The following OPA1 variants were observed in gnomAD, a reference collection of about 807,000 sequenced individuals.
The protein encoded by OPA1 is dynamin-like GTPase OPA1, mitochondrial.
OPA1 carries 59 observed loss-of-function variants against 152.9 expected under a neutral mutation model. That is an observed-to-expected ratio of 0.39 (90% CI 0.31 to 0.48). OPA1 has a LOEUF of 0.48. OPA1 is among the 20% of genes least tolerant of loss of function. The probability of loss-of-function intolerance (pLI) is 0.96; values close to 1 mark genes in which losing one functional copy is unlikely to be tolerated. For synonymous variants in OPA1, 400 were observed against 389.9 expected (o/e 1.03, Z -0.31); for missense variants, 1,008 against 1,216.8 (o/e 0.83, Z 2.55).
At chr3:193,656,989 C>A in intron 22 of OPA1, 91 bp from the exon 23 acceptor site, 2 of 1,094,930 alleles carry the variant, frequency 1.8e-6, no homozygotes, top group Non-Finnish European at 1.3e-6. Context: ...TTATTTATCA[C>A]ATCTGTTTGG....
chr3:193,601,827 G>C (rs1726514216), intron 1 of OPA1, among the ~76,000 whole-genome samples: 1 of 152,162 alleles, frequency 6.6e-6, no homozygotes, highest in Admixed American at 6.5e-5. Flanking sequence ...GATGTTTAGA[G>C]TATCAAGAAT....
chr3:193,598,959 T>C (rs1337295063), intron 1 of OPA1, among the ~76,000 whole-genome samples: 1 of 152,208 alleles, frequency 6.6e-6, no homozygotes, highest in Non-Finnish European at 1.5e-5. Context: ...TATCCCTCTC[T>C]GTAAGTGATA....
Position 193,696,215 on chromosome 3 carries a change from A to G in OPA1, c.*1615A>G, listed in dbSNP as rs1722239211. The G allele has an allele frequency of 1.3e-5, 2 of 152,244 alleles. No homozygotes were observed. The highest frequency in any genetic ancestry group is 1.3e-4 in the Admixed American group (2 of 15,292). The allele number at this position is 152,244 out of a possible 1,614,324, so 9.4% of individuals were successfully genotyped here. On this transcript the variant is annotated 3_prime_UTR_variant, in exon 31 of 31. Coordinates refer to ENST00000361510, the MANE Select transcript of OPA1 (RefSeq NM_130837.3). The stretch of plus-strand genomic sequence containing the variant: ...GCATAACAATTACAACTACACATCT[A>G]TTTCTAAAGAATAAAACAGGACCAT...
rs771741437 is a variant in OPA1 at position 193,643,953 on chromosome 3, G to C, written c.1478-22G>C. On this transcript the variant is annotated intron_variant, in intron 15 of 30. Coordinates refer to ENST00000361510, the MANE Select transcript of OPA1 (RefSeq NM_130837.3). ...ACTTTACATCTTAAAATTCCACAGT[G>C]TCATTTTTTTATTTTTTTCAGATGG... 2.0e-5 allele frequency: 32 copies of C among 1,612,564 alleles called. 1 individual carries two copies. Among genetic ancestry groups the C allele is most frequent in the Non-Finnish European group, 2.3e-5 (27 of 1,179,256 alleles).
At chr3:193,658,755 G>A (rs1714529934) in intron 23 of OPA1, 132 bp from the exon 24 acceptor site, 1 of 673,244 alleles carries the variant, frequency 1.5e-6, no homozygotes, top group Non-Finnish European at 2.7e-6. Flanking sequence ...ATTTTTATAG[G>A]AAGGATATAT....
In OPA1 at chr3:193,643,950, A is replaced by C. The variant is rs779262340; in HGVS notation, c.1478-25A>C. ...TCTACTTTACATCTTAAAATTCCAC[A>C]GTGTCATTTTTTTATTTTTTTCAGA... On this transcript the variant is annotated intron_variant, in intron 15 of 30. Transcript: ENST00000361510. 4 of 1,611,876 alleles carry C rather than the reference A, an allele frequency of 2.5e-6. No individual in the cohort carries two copies. In the African/African-American group the frequency reaches 5.3e-5, roughly 22 times the overall value.
intron 8 of OPA1, among the ~76,000 whole-genome samples, chr3:193,633,182 A>T (rs904108402): frequency 1.2e-4 from 18 of 152,204 alleles, no homozygotes; most frequent in African/African-American, 4.3e-4. Context: ...CACAAAGCAT[A>T]GCCTCTGGAG....
chr3:193,613,091 G>A (rs1463751292), intron 1 of OPA1, among the ~76,000 whole-genome samples: 2 of 152,190 alleles, frequency 1.3e-5, no homozygotes, highest in African/African-American at 4.8e-5. Context: ...AGTTAAATTT[G>A]ATGGAGTTTA....
chr3:193,637,914 A>C, intron 10 of OPA1, 38 bp from the exon 11 acceptor site: 1 of 1,512,316 alleles, frequency 6.6e-7, no homozygotes, highest in Non-Finnish European at 9.2e-7. Context: ...ATTTGGTATC[A>C]GAAAAATATG....
chr3:193,690,927 TAGG>T (rs554838466), intron 29 of OPA1, among the ~76,000 whole-genome samples: 98 of 152,142 alleles, frequency 6.4e-4, no homozygotes, highest in Non-Finnish European at 1.1e-3. Flanking sequence ...TGTTTTAAAA[TAGG>T]AGGCCAGGCA....
At chr3:193,613,290 C>A (rs563505537) in intron 1 of OPA1, among the ~76,000 whole-genome samples, 1 of 152,152 alleles carries the variant, frequency 6.6e-6, no homozygotes, top group South Asian at 2.1e-4. Flanking sequence ...TATGGTTTGT[C>A]CACAAGAACA....
At chr3:193,613,234 T>G (rs1013113819) in intron 1 of OPA1, among the ~76,000 whole-genome samples, 2 of 152,204 alleles carry the variant, frequency 1.3e-5, no homozygotes, top group African/African-American at 4.8e-5. Flanking sequence ...TTATTACAGA[T>G]GCATACTACT....
rs1339918914 is a variant in OPA1, at chr3:193,604,494, T to C, written c.33-10229T>C. Among the ~76,000 whole-genome samples the C allele has an allele frequency of 2.0e-5, 3 of 152,298 alleles. No homozygotes were observed. In the East Asian group the frequency reaches 5.8e-4, roughly 29 times the overall value. On this transcript the variant is annotated intron_variant, in intron 1 of 30. Coordinates refer to ENST00000361510, the MANE Select transcript of OPA1 (RefSeq NM_130837.3). ...GTCGAGGAAAACTTTAAATAGGTTT[T>C]ATCCTCTCAGGTAAGAGGGAAATCC...
At chr3:193,665,055 A>C in intron 27 of OPA1, 59 bp downstream of exon 27, 2 of 915,702 alleles carry the variant, frequency 2.2e-6, no homozygotes, top group Non-Finnish European at 1.8e-6. Context: ...AAATATGCTT[A>C]AAAGTAAACT....
At position 193,626,128 on chromosome 3, in the gene OPA1, A is replaced by T. The variant is rs1407152640; in HGVS notation, c.715A>T (p.Ile239Phe). ...TGAGCTCATTCTCTTACAACAACAA[A>T]TTCAAGAGCATGAAGAGGAAGCGCG... ...LGELILLQQQ[I>F]QEHEEEARRA... is the part of the protein sequence containing the mutation. Residue 239 changes from isoleucine (I) to phenylalanine (F), a missense_variant, in exon 7 of 31, where the codon ATT becomes TTT. By Grantham distance (21) the Ile-to-Phe change is conservative. Transcript: ENST00000361510. The T allele has an allele frequency of 5.0e-6, 8 of 1,613,906 alleles. No homozygotes were observed. The highest frequency in any genetic ancestry group is 5.9e-6 in the Non-Finnish European group (7 of 1,179,978).
rs1477694300 is a variant in OPA1 at position 193,593,209 on chromosome 3, G to A, written c.-169G>A. 2 of 575,382 alleles carry A rather than the reference G, an allele frequency of 3.5e-6. No individual in the cohort carries two copies. The highest frequency in any genetic ancestry group is 1.9e-5 in the African/African-American group (1 of 51,848). The allele number at this position is 575,382 out of a possible 1,614,324, so 35.6% of individuals were successfully genotyped here. ...ACGGACTGAGTACGGGTGCCTGTCAGGCTCTTGCGGAAGTCCATGCGCCAT... is the reference window on the plus strand; with the variant it reads ...ACGGACTGAGTACGGGTGCCTGTCAAGCTCTTGCGGAAGTCCATGCGCCAT... On this transcript the variant is annotated 5_prime_UTR_variant, in exon 1 of 31. Coordinates refer to ENST00000361510, the MANE Select transcript of OPA1 (RefSeq NM_130837.3).
chr3:193,611,423 C>T (rs922106348), intron 1 of OPA1, among the ~76,000 whole-genome samples: 1 of 151,922 alleles, frequency 6.6e-6, no homozygotes, highest in African/African-American at 2.4e-5. Flanking sequence ...ATGGTGAAAT[C>T]CCATCTCTAC....
At chr3:193,647,378 C>T (rs1734826551) in intron 19 of OPA1, among the ~76,000 whole-genome samples, 198 bp downstream of exon 19, 1 of 152,148 alleles carries the variant, frequency 6.6e-6, no homozygotes. Flanking sequence ...TCAGAGGAAA[C>T]ATCTCTAGAA....
intron 1 of OPA1, chr3:193,613,992 T>C (rs754186441): frequency 1.9e-6 from 1 of 518,890 alleles, no homozygotes; most frequent in Non-Finnish European, 3.8e-6. Flanking sequence ...CAAGCAACTA[T>C]GTATGCAACT....
Sources: gnomAD v4.1 joint callset for allele counts (sites outside exome capture counted in the v4.1 genomes callset) on GRCh38, gnomAD v4.1.1 for gene constraint, MANE v1.5 for transcripts, NCBI Gene and HGNC (gene_info 2026-07-23, HGNC 2026-07-21) for gene names.